Variants in CAPZB observed in about 807,000 individuals in gnomAD.
The protein encoded by CAPZB is capping actin protein of muscle Z-line subunit beta.
CAPZB carries 2 observed loss-of-function variants against 38.1 expected under a neutral mutation model. That is an observed-to-expected ratio of 0.05 (90% CI 0.02 to 0.17). CAPZB has a LOEUF of 0.17. Ranked by LOEUF, CAPZB falls within the 10% of genes least tolerant of loss-of-function variation. CAPZB has a pLI of 1.00. For synonymous variants in CAPZB, 107 were observed against 127.4 expected, an observed-to-expected ratio of 0.84 and a Z score of 1.08; for missense variants, 161 against 334.2, an observed-to-expected ratio of 0.48 and a Z score of 4.04.
chr1:19,432,042 CAAAA>C (rs10583269), intron 1 of CAPZB, among the ~76,000 whole-genome samples: 1 of 122,548 alleles, frequency 8.2e-6, no homozygotes, highest in Non-Finnish European at 1.7e-5. Context: ...GATCCTGTCT[CAAAA>C]AAAAAAAAAA....
At chr1:19,428,936 T>G (rs997283321) in intron 1 of CAPZB, among the ~76,000 whole-genome samples, 2 of 152,144 alleles carry the variant, frequency 1.3e-5, no homozygotes, top group African/African-American at 4.8e-5. Context: ...GCTACCCCAT[T>G]ATTTTCGAGG....
chr1:19,484,913 G>A (rs971693470), intron 1 of CAPZB, among the ~76,000 whole-genome samples: 2 of 152,190 alleles, frequency 1.3e-5, no homozygotes, highest in African/African-American at 2.4e-5. Flanking sequence ...AGCAAACCTA[G>A]GCCGCTGCAG....
intron 1 of CAPZB, among the ~76,000 whole-genome samples, chr1:19,428,263 C>T (rs766603522): frequency 2.0e-5 from 3 of 151,986 alleles, no homozygotes; most frequent in East Asian, 1.9e-4. Context: ...ATTAGCAGGG[C>T]GTGGTGGCAG....
At chr1:19,418,730 C>T (rs1263180614) in intron 2 of CAPZB, among the ~76,000 whole-genome samples, 1 of 152,214 alleles carries the variant, frequency 6.6e-6, no homozygotes, top group Non-Finnish European at 1.5e-5. Flanking sequence ...TGAATGACAT[C>T]CGTGCCTCTC....
In CAPZB at chr1:19,356,861, C is replaced by CA. The variant is rs2094023877; in HGVS notation, c.472-111_472-110insT. The CA allele has an allele frequency of 2.0e-6, 1 of 489,138 alleles. No homozygotes were observed. Among genetic ancestry groups the CA allele is most frequent in the Non-Finnish European group, 3.6e-6 (1 of 279,090 alleles). The allele number at this position is 489,138 out of a possible 1,614,324, so 30.3% of individuals were successfully genotyped here. On this transcript the variant is annotated intron_variant, in intron 5 of 8. Coordinates refer to ENST00000264202, the MANE Select transcript of CAPZB (RefSeq NM_004930.5). This position sits in a 1 kb window ranked among gnomAD's most constrained non-coding sequence, Gnocchi z 4.3. ...TCCTAGGTCATTATCACAATATTAC[C>CA]TTTTTTTTTTTTAAATTGGAGACAA...
chr1:19,347,696 G>C (rs960018080), intron 6 of CAPZB, among the ~76,000 whole-genome samples: 1 of 152,192 alleles, frequency 6.6e-6, no homozygotes, highest in Non-Finnish European at 1.5e-5. Context: ...GGGTTGAGAT[G>C]GTCACAGGGT....
At chr1:19,376,569 G>GC (rs1413966156) in intron 4 of CAPZB, among the ~76,000 whole-genome samples, 2 of 152,162 alleles carry the variant, frequency 1.3e-5, no homozygotes, top group African/African-American at 4.8e-5. Flanking sequence ...GGCACAACCA[G>GC]CCCCCCTGCC....
At chr1:19,437,902 G>T (rs986675329) in intron 1 of CAPZB, among the ~76,000 whole-genome samples, 2 of 152,164 alleles carry the variant, frequency 1.3e-5, no homozygotes, top group African/African-American at 4.8e-5. Context: ...AAAGCAGAGG[G>T]GGTTGTTTTC....
intron 1 of CAPZB, among the ~76,000 whole-genome samples, chr1:19,460,834 C>T (rs1165880143): frequency 2.0e-5 from 3 of 152,132 alleles, no homozygotes; most frequent in Non-Finnish European, 4.4e-5. Flanking sequence ...CCCAGCTCAA[C>T]ACCCACCGAC....
chr1:19,478,418 C>T (rs1330619940), intron 1 of CAPZB, among the ~76,000 whole-genome samples: 1 of 152,244 alleles, frequency 6.6e-6, no homozygotes, highest in Non-Finnish European at 1.5e-5. Flanking sequence ...ACAATCATCA[C>T]TACGTGCCAG....
chr1:19,449,231 A>G, intron 1 of CAPZB: 1 of 1,120,796 alleles, frequency 8.9e-7, no homozygotes, highest in Non-Finnish European at 1.1e-6. Flanking sequence ...AACCAGGACA[A>G]CAGGAACAAA....
intron 2 of CAPZB, among the ~76,000 whole-genome samples, chr1:19,404,240 A>T (rs2094318729): frequency 6.7e-6 from 1 of 150,034 alleles, no homozygotes; most frequent in Admixed American, 6.6e-5. Flanking sequence ...CTCAAAAAAA[A>T]AAAAAAAAAA....
At chr1:19,479,631 C>G (rs546351806) in intron 1 of CAPZB, among the ~76,000 whole-genome samples, 225 of 152,322 alleles carry the variant, frequency 1.5e-3, no homozygotes, top group African/African-American at 5.2e-3. Flanking sequence ...CACAGCTGCA[C>G]AGTGGCCAGG....
chr1:19,460,409 T>C (rs1163364703), intron 1 of CAPZB, among the ~76,000 whole-genome samples: 3 of 152,130 alleles, frequency 2.0e-5, no homozygotes, highest in African/African-American at 4.8e-5. Context: ...CCCGAGTAGC[T>C]GGGACTACAG....
intron 1 of CAPZB, among the ~76,000 whole-genome samples, chr1:19,458,699 C>T (rs1040051912): frequency 6.6e-6 from 1 of 152,236 alleles, no homozygotes. Context: ...GTATCTGCCC[C>T]TGCTCTGCGC....
chr1:19,343,709 C>T (rs1407289941), intron 8 of CAPZB, among the ~76,000 whole-genome samples: 6 of 152,328 alleles, frequency 3.9e-5, no homozygotes, highest in Non-Finnish European at 7.3e-5. Context: ...CTGCTCTGTC[C>T]GCCGTGGACC....
At chr1:19,444,326 A>G (rs1162490412) in intron 1 of CAPZB, among the ~76,000 whole-genome samples, 1 of 152,150 alleles carries the variant, frequency 6.6e-6, no homozygotes, top group East Asian at 1.9e-4. Context: ...CCCAGCCCTG[A>G]GGTCTCAGAC....
intron 6 of CAPZB, among the ~76,000 whole-genome samples, chr1:19,348,754 T>C (rs2093975858): frequency 1.3e-5 from 1 of 78,340 alleles, no homozygotes; most frequent in Admixed American, 1.3e-4. Flanking sequence ...GGGTGGCATC[T>C]GACAAGGGGG....
intron 2 of CAPZB, among the ~76,000 whole-genome samples, chr1:19,409,211 G>GA (rs2094346655): frequency 1.3e-5 from 2 of 152,172 alleles, no homozygotes; most frequent in Non-Finnish European, 2.9e-5. Flanking sequence ...GCTCTTAATG[G>GA]ATAATGGAGT....
Sources: gnomAD v4.1 joint callset for allele counts (sites outside exome capture counted in the v4.1 genomes callset) on GRCh38, gnomAD v4.1.1 for gene constraint, Gnocchi (gnomAD v3.1) non-coding constraint, MANE v1.5 for transcripts, NCBI Gene and HGNC (gene_info 2026-07-23, HGNC 2026-07-21) for gene names.